Variants in ATP9A observed in about 807,000 individuals in gnomAD.
ATP9A encodes the protein probable phospholipid-transporting ATPase IIA.
Under a neutral mutation model 144.1 loss-of-function variants are expected in ATP9A, and 52 were observed. That is an observed-to-expected ratio of 0.36 (90% CI 0.29 to 0.45). The LOEUF (loss-of-function observed/expected upper bound fraction) is 0.45, where lower values mean the gene tolerates loss of function less well. ATP9A is among the 20% of genes least tolerant of loss of function. The probability of loss-of-function intolerance (pLI) is 1.00; values close to 1 mark genes in which losing one functional copy is unlikely to be tolerated. For missense variants in ATP9A, 947 were observed against 1,392.7 expected (o/e 0.68, Z 5.09); for synonymous variants, 582 against 557.4 (o/e 1.04, Z -0.62).
intron 14 of ATP9A, among the ~76,000 whole-genome samples, chr20:51,650,854 C>T (rs2077361004): frequency 1.3e-5 from 2 of 151,976 alleles, no homozygotes; most frequent in Admixed American, 6.6e-5. Context: ...CATGTGCATC[C>T]ATGTGCACAC....
At chr20:51,706,690 C>T (rs2077615937) in intron 4 of ATP9A, among the ~76,000 whole-genome samples, 1 of 152,168 alleles carries the variant, frequency 6.6e-6, no homozygotes, top group African/African-American at 2.4e-5. Flanking sequence ...GTAGAGACTG[C>T]AGTGAACTGT....
At chr20:51,702,491 T>C (rs1454235518) in intron 4 of ATP9A, among the ~76,000 whole-genome samples, 3 of 151,794 alleles carry the variant, frequency 2.0e-5, no homozygotes, top group African/African-American at 7.3e-5. Context: ...CAGATACTGT[T>C]ATTTACATTC....
rs2077138953 is a variant in ATP9A, at chr20:51,600,774, A to C, written c.*437T>G. 6.5e-6 allele frequency: 1 copy of C among 152,876 alleles called. No homozygotes were observed. The highest frequency in any genetic ancestry group is 1.5e-5 in the Non-Finnish European group (1 of 68,780). The allele number at this position is 152,876 out of a possible 1,614,324, so 9.5% of individuals were successfully genotyped here. ...ACCTCTTTGTAAGAGCAAGAAAGACATAAAGAGTACATACACATTAGGACT... is the reference window on the plus strand; with the variant it reads ...ACCTCTTTGTAAGAGCAAGAAAGACCTAAAGAGTACATACACATTAGGACT... On this transcript the variant is annotated 3_prime_UTR_variant, in exon 28 of 28. Coordinates refer to ENST00000338821, the MANE Select transcript of ATP9A (RefSeq NM_006045.3).
intron 4 of ATP9A, among the ~76,000 whole-genome samples, chr20:51,707,019 C>CAA (rs2077617396): frequency 6.6e-6 from 1 of 152,164 alleles, no homozygotes; most frequent in Non-Finnish European, 1.5e-5. Flanking sequence ...TTGGGAACAG[C>CAA]AAGCTGCTGT....
chr20:51,644,476 TAGTC>T (rs1371883183), intron 14 of ATP9A, among the ~76,000 whole-genome samples: 1 of 151,702 alleles, frequency 6.6e-6, no homozygotes, highest in African/African-American at 2.4e-5. Flanking sequence ...TTCACCATGT[TAGTC>T]AGGATGGTCT....
At chr20:51,608,458 G>GGAAGGAAGGGAAAAGCAAAGGAGGAAA in intron 25 of ATP9A, 60 bp downstream of exon 25, 1 of 1,086,390 alleles carries the variant, frequency 9.2e-7, no homozygotes. Context: ...AGGGAGGGAG[G>GGAAGGAAGGGAAAAGCAAAGGAGGAAA]GAAGGAAGGG....
At chr20:51,607,460 G>T in intron 26 of ATP9A, 67 bp downstream of exon 26, 1 of 1,383,658 alleles carries the variant, frequency 7.2e-7, no homozygotes. Context: ...TGTTCTACAG[G>T]CAAGAAGGGG....
At chr20:51,735,522 G>A (rs1007265971) in intron 1 of ATP9A, among the ~76,000 whole-genome samples, 2 of 152,116 alleles carry the variant, frequency 1.3e-5, no homozygotes, top group Non-Finnish European at 2.9e-5. Context: ...TTTATTAAGC[G>A]CTTACCCGGT....
At chr20:51,646,316 A>C (rs1165643140) in intron 14 of ATP9A, among the ~76,000 whole-genome samples, 1 of 152,208 alleles carries the variant, frequency 6.6e-6, no homozygotes, top group Non-Finnish European at 1.5e-5. Context: ...AATTCTTGTC[A>C]AAAGCAGGAT....
Position 51,696,109 on chromosome 20 carries a change from C to T in ATP9A, c.531G>A (p.Arg177=), listed in dbSNP as rs1194974115. The T allele has an allele frequency of 6.2e-7, 1 of 1,613,722 alleles. No homozygotes were observed. The highest frequency in any genetic ancestry group is 1.7e-5 in the Admixed American group (1 of 59,994). ...QRVPADMIFL[R]TSEKNGSCFL... ...GATGTTTACCGTTTTTTTCTGATGT[C>T]CTCAGGAAGATCATGTCGGCAGGGA... The change falls in exon 6 of 28, where the codon AGG becomes AGA. Residue 177 remains arginine, a synonymous_variant. Coordinates refer to ENST00000338821, the MANE Select transcript of ATP9A (RefSeq NM_006045.3).
At chr20:51,604,719 C>T (rs868803576) in intron 27 of ATP9A, 98 bp downstream of exon 27, 9 of 1,164,124 alleles carry the variant, frequency 7.7e-6, no homozygotes, top group Non-Finnish European at 9.2e-6. Flanking sequence ...GAGCCCAGGC[C>T]GAGCGCTGGG....
intron 26 of ATP9A, 146 bp downstream of exon 26, chr20:51,607,381 G>A (rs2077167570): frequency 3.0e-6 from 2 of 670,396 alleles, no homozygotes; most frequent in Non-Finnish European, 2.6e-6. Context: ...TATACAGGGT[G>A]AGCAGGGTCT....
intron 15 of ATP9A, among the ~76,000 whole-genome samples, chr20:51,638,058 G>A (rs1339792641): frequency 9.5e-6 from 1 of 105,188 alleles, no homozygotes; most frequent in Admixed American, 1.1e-4. Flanking sequence ...TGGCTAAGTA[G>A]CATTTCATCA....
intron 4 of ATP9A, 73 bp downstream of exon 4, chr20:51,712,892 GA>G (rs2077645819): frequency 2.2e-6 from 3 of 1,368,422 alleles, no homozygotes; most frequent in Admixed American, 3.9e-5. Context: ...CCCGGGCCTT[GA>G]ACTCTTCTCC....
At chr20:51,673,034 C>T (rs2077462593) in intron 11 of ATP9A, among the ~76,000 whole-genome samples, 1 of 152,160 alleles carries the variant, frequency 6.6e-6, no homozygotes, top group South Asian at 2.1e-4. Context: ...TTTGCTAATA[C>T]AGGCCTTCAC....
At position 51,604,908 on chromosome 20, in the gene ATP9A, G is replaced by A. The variant is rs759842376; in HGVS notation, c.2916C>T (p.Thr972=). Residue 972 remains threonine (T), a synonymous_variant, in exon 27 of 28, where the codon ACC becomes ACT. Coordinates refer to ENST00000338821, the MANE Select transcript of ATP9A (RefSeq NM_006045.3). ...ILTELLMVAL[T]IQTWHWLMTV... Reference sequence around the variant, plus strand: ...TCATGAGCCAGTGCCAGGTCTGGATGGTCAGCGCCACCATGAGCAGCTCGG... The same window carrying A: ...TCATGAGCCAGTGCCAGGTCTGGATAGTCAGCGCCACCATGAGCAGCTCGG... The A allele has an allele frequency of 6.2e-7, 1 of 1,611,870 alleles. No individual in the cohort carries two copies. The highest frequency in any genetic ancestry group is 1.1e-5 in the South Asian group (1 of 90,792).
chr20:51,681,757 G>T (rs1300700783), intron 9 of ATP9A, among the ~76,000 whole-genome samples: 1 of 152,156 alleles, frequency 6.6e-6, no homozygotes, highest in African/African-American at 2.4e-5. Context: ...TAAATCCCAT[G>T]TTGTGGGCAC....
chr20:51,627,731 A>C, intron 16 of ATP9A, 48 bp from the exon 17 acceptor site: 1 of 1,499,296 alleles, frequency 6.7e-7, no homozygotes. Context: ...AGAGCTCCTG[A>C]CCTCACTGGG....
chr20:51,751,658 G>A (rs1194613771), intron 1 of ATP9A, among the ~76,000 whole-genome samples: 1 of 152,056 alleles, frequency 6.6e-6, no homozygotes, highest in Admixed American at 6.6e-5. Flanking sequence ...CGCAATCTCG[G>A]CTCACTGCAA....
Sources: gnomAD v4.1 joint callset for allele counts (sites outside exome capture counted in the v4.1 genomes callset) on GRCh38, gnomAD v4.1.1 for gene constraint, MANE v1.5 for transcripts, NCBI Gene and HGNC (gene_info 2026-07-23, HGNC 2026-07-21) for gene names.